The following TPRN variants were observed in gnomAD, a reference collection of about 807,000 sequenced individuals.
TPRN encodes chromosome 9 open reading frame 75.
Under a neutral mutation model 42.6 loss-of-function variants are expected in TPRN, and 32 were observed. The observed-to-expected ratio is 0.75, with a 90% CI of 0.57 to 1.01. The LOEUF is 1.01. Among genes scored for constraint, TPRN ranks in the 50% least tolerant of loss-of-function variants. The pLI, the probability that TPRN is intolerant of heterozygous loss-of-function variation, is 0.00. For synonymous variants in TPRN, 541 were observed against 445.6 expected (o/e 1.21, Z -2.70); for missense variants, 1,095 against 957.5 (o/e 1.14, Z -1.90).
rs1234034573 is a variant in TPRN, at chr9:137,200,411, C to T, written c.301G>A (p.Glu101Lys). Reference protein sequence around the residue: ...ALRADSVLIIETVPGFPPAPP... With the variant: ...ALRADSVLIIKTVPGFPPAPP... Reference sequence around the variant, plus strand: ...GCGGGCGGGAAGCCGGGCACCGTCTCGATGATGAGGACGCTGTCGGCGCGG... The same window carrying T: ...GCGGGCGGGAAGCCGGGCACCGTCTTGATGATGAGGACGCTGTCGGCGCGG... Residue 101 changes from glutamate (E) to lysine (K), a missense_variant, in exon 1 of 4, where the codon GAG becomes AAG. Glu to Lys is a moderately conservative substitution (Grantham distance 56). Transcript: ENST00000409012. The surrounding 1 kb of genome is among the most constrained non-coding windows in gnomAD (Gnocchi z 4.3). 1.8e-6 allele frequency: 2 copies of T among 1,121,828 alleles called. No individual in the cohort carries two copies. The highest frequency in any genetic ancestry group is 1.7e-5 in the African/African-American group (1 of 58,938). The allele number at this position is 1,121,828 out of a possible 1,614,324, so 69.5% of individuals were successfully genotyped here.
Position 137,200,238 on chromosome 9 carries a change from C to CGGG in TPRN, c.471_473dup (p.Pro164dup), listed in dbSNP as rs989277785. The CGGG allele has an allele frequency of 1.9e-5, 18 of 945,220 alleles. No individual in the cohort carries two copies. The African/African-American group carries it at 3.2e-4, about 17-fold the overall frequency. The allele number at this position is 945,220 out of a possible 1,614,324, so 58.6% of individuals were successfully genotyped here. A position where few individuals can be genotyped will look rare whatever the true frequency, so the allele number is the denominator to read the frequency against. On this transcript the variant is annotated inframe_insertion, in exon 1 of 4. Coordinates refer to ENST00000409012, the MANE Select transcript of TPRN (RefSeq NM_001128228.3). This position sits in a 1 kb window ranked among gnomAD's most constrained non-coding sequence, Gnocchi z 4.3. ...GCGGCGCGGGCGGCGGCGGCGGCGG[C>CGGG]GGGGGGCGGGCGCGCTCGGGGCTCC...
rs758513567 is a variant in TPRN at position 137,192,292 on chromosome 9, C to T, written c.2040G>A (p.Pro680=). 20 of 1,612,906 alleles carry T rather than the reference C, an allele frequency of 1.2e-5. No homozygotes were observed. The highest frequency in any genetic ancestry group is 5.5e-5 in the South Asian group (5 of 91,086). ...KWQEQALEQA[P]REAEPPPVEA... ...CCACGGGCGGGGGCTCTGCCTCCCT[C>T]GGGGCCTGCTCCAGCGCCTGCTCCT... Residue 680 remains proline (P), a synonymous_variant, in exon 3 of 4, where the codon CCG becomes CCA. Transcript: ENST00000409012.
At position 137,192,173 on chromosome 9, in the gene TPRN, A is replaced by G; in HGVS notation, c.2075T>C (p.Leu692Pro). ...GAGGTCATTCTGACTGGCGGGTGTG[A>G]GCTGAAAGTGAGAGGACAGAATGTG... ...EAEPPPVEAM[L>P]TPASQNDLSD... The change falls in exon 4 of 4, where the codon CTC (leucine) becomes CCC (proline). Residue 692 changes from leucine (L) to proline (P), a missense_variant and splice_region_variant. Leu to Pro is a moderately conservative substitution (Grantham distance 98). Coordinates refer to ENST00000409012, the MANE Select transcript of TPRN (RefSeq NM_001128228.3). 1 of 1,613,454 alleles carries G rather than the reference A, an allele frequency of 6.2e-7. No individual in the cohort carries two copies. The highest frequency in any genetic ancestry group is 8.5e-7 in the Non-Finnish European group (1 of 1,179,980).
rs955018102 is a variant in TPRN, at chr9:137,200,538, C to T, written c.174G>A (p.Glu58=). Residue 58 remains glutamate (E), a synonymous_variant, in exon 1 of 4, where the codon GAG becomes GAA. Transcript: ENST00000409012. This position sits in a 1 kb window ranked among gnomAD's most constrained non-coding sequence, Gnocchi z 4.3. ...VLAESLGPLR[E]NPFMLLEAER... ...CGGCCTCCAGCAGCATGAACGGGTT[C>T]TCGCGCAGCGGGCCCAGGCTCTCGG... The T allele has an allele frequency of 2.3e-5, 27 of 1,167,828 alleles. No homozygotes were observed. Among genetic ancestry groups the T allele is most frequent in the Non-Finnish European group, 2.7e-5 (26 of 947,146 alleles). The allele number at this position is 1,167,828 out of a possible 1,614,324, so 72.3% of individuals were successfully genotyped here.
rs901697585 is a variant in TPRN, at chr9:137,196,122, G to A, written c.1725+2865C>T. 5.4e-4 allele frequency among the ~76,000 whole-genome samples: 82 copies of A among 152,190 alleles called. 1 individual carries two copies. The highest frequency in any genetic ancestry group is 1.9e-3 in the African/African-American group (80 of 41,446). On this transcript the variant is annotated intron_variant, in intron 1 of 3. Coordinates refer to ENST00000409012, the MANE Select transcript of TPRN (RefSeq NM_001128228.3). ...GCCCCTCACCGACTCCCACCACCCA[G>A]ACAACTCCACTGAAGAGCTGCCCTT...
chr9:137,197,816 G>A lies in TPRN; in HGVS notation c.1725+1171C>T, dbSNP rs9696568. On this transcript the variant is annotated intron_variant, in intron 1 of 3. Coordinates refer to ENST00000409012, the MANE Select transcript of TPRN (RefSeq NM_001128228.3). ...GACCCACGTGGCTCCAGGAGTGGGA[G>A]GGGCCCTGGACCCAGCCCCAAGCCC... is the stretch of plus-strand genomic sequence containing the variant. Among the ~76,000 whole-genome samples, 8 of 152,338 alleles carry A rather than the reference G, an allele frequency of 5.3e-5. No homozygotes were observed. In the South Asian group the frequency reaches 1.7e-3, roughly 32 times the overall value.
rs933922346 is a variant in TPRN, at chr9:137,200,287, G to C, written c.425C>G (p.Pro142Arg). The C allele has an allele frequency of 2.0e-6, 2 of 987,218 alleles. No individual in the cohort carries two copies. Among genetic ancestry groups the C allele is most frequent in the Admixed American group, 6.3e-5 (1 of 15,956 alleles). The allele number at this position is 987,218 out of a possible 1,614,324, so 61.2% of individuals were successfully genotyped here. The part of the protein sequence containing the change: ...RVSRLLERFD[P>R]PAAPRRRGSP... ...CCCGCGGCGGCGCGGCGCGGCGGGC[G>C]GGTCGAACCTCTCCAGTAGGCGGCT... Residue 142 changes from proline to arginine, a missense_variant, in exon 1 of 4, where the codon CCG (proline) becomes CGG (arginine). Physicochemically the swap from Pro to Arg is moderately radical, Grantham distance 103. Coordinates refer to ENST00000409012, the MANE Select transcript of TPRN (RefSeq NM_001128228.3). The surrounding 1 kb of genome is among the most constrained non-coding windows in gnomAD (Gnocchi z 4.3).
intron 1 of TPRN, among the ~76,000 whole-genome samples, chr9:137,198,306 G>T (rs1834737191): frequency 6.6e-6 from 1 of 152,218 alleles, no homozygotes; most frequent in Non-Finnish European, 1.5e-5. Flanking sequence ...GTGCCCAGAG[G>T]ATTCCAGGCC....
rs1272885722 is a variant in TPRN at position 137,192,606 on chromosome 9, T to C, written c.1811A>G (p.Asp604Gly). The change falls in exon 2 of 4, where the codon GAC becomes GGC. Residue 604 changes from aspartate to glycine, a missense_variant. Transcript: ENST00000409012. ...CTCCTCCTCCTCCTCCTCCTGCTGG[T>C]CCACCTCTTCCTCCTGCTCTAGGGA... ...ESSLEQEEEV[D>G]QQEEEEEEEE... 1.9e-6 allele frequency: 3 copies of C among 1,613,696 alleles called. No individual in the cohort carries two copies. The highest frequency in any genetic ancestry group is 2.2e-5 in the South Asian group (2 of 91,076).
Position 137,199,787 on chromosome 9 carries a change from T to C in TPRN, c.925A>G (p.Thr309Ala), listed in dbSNP as rs1834772413. The C allele has an allele frequency of 8.7e-6, 14 of 1,607,670 alleles. No homozygotes were observed. Among genetic ancestry groups the C allele is most frequent in the Non-Finnish European group, 1.2e-5 (14 of 1,177,808 alleles). The part of the protein sequence containing the change: ...IRPAPKPVME[T>A]IPLGDLQARA... ...GCCTGGAGGTCCCCCAAGGGGATGG[T>C]CTCCATAACTGGCTTGGGGGCCGGC... Residue 309 changes from threonine (T) to alanine (A), a missense_variant, in exon 1 of 4, where the codon ACC becomes GCC. Thr to Ala is a moderately conservative substitution (Grantham distance 58, BLOSUM62 0). Coordinates refer to ENST00000409012, the MANE Select transcript of TPRN (RefSeq NM_001128228.3).
At chr9:137,194,043 C>T (rs1392636039) in intron 1 of TPRN, 1 of 152,372 alleles carries the variant, frequency 6.6e-6, no homozygotes, top group Non-Finnish European at 1.5e-5. Flanking sequence ...CTTCCCCTCT[C>T]AGCACAGCTC....
chr9:137,196,380 A>C (rs73563689), intron 1 of TPRN, among the ~76,000 whole-genome samples: 1,858 of 152,292 alleles, frequency 0.012, 36 homozygotes, highest in African/African-American at 0.037. Flanking sequence ...TGAGGTCAGG[A>C]GTTCGAGACC....
At chr9:137,198,561 G>A (rs567179244) in intron 1 of TPRN, among the ~76,000 whole-genome samples, 6 of 152,372 alleles carry the variant, frequency 3.9e-5, no homozygotes, top group South Asian at 2.1e-4. Context: ...ATAGCGTGGC[G>A]CCTGGCGCCC....
rs769203462 is a variant in TPRN, at chr9:137,199,285, G to A, written c.1427C>T (p.Pro476Leu). The A allele has an allele frequency of 7.4e-6, 12 of 1,612,408 alleles. No individual in the cohort carries two copies. The highest frequency in any genetic ancestry group is 2.7e-5 in the African/African-American group (2 of 75,036). Residue 476 changes from proline (P) to leucine (L), a missense_variant, in exon 1 of 4, where the codon CCG (proline) becomes CTG (leucine). Transcript: ENST00000409012. ...AGGGTGCAGAGGCCTGGCAGGGTGC[G>A]GGAGGTAGGGTAGTTTGGCTGCTTG... ...APQAAKLPYL[P>L]HPARPLHPAR... is the part of the protein sequence containing the mutation.
At chr9:137,192,753 G>A in intron 1 of TPRN, 62 bp from the exon 2 acceptor site, 4 of 1,581,266 alleles carry the variant, frequency 2.5e-6, no homozygotes, top group South Asian at 1.1e-5. Context: ...GATGCCAGGG[G>A]CTCAGGTTCA....
rs984665694 is a variant in TPRN, at chr9:137,191,999, G to A, written c.*113C>T. 29 of 1,331,492 alleles carry A rather than the reference G, an allele frequency of 2.2e-5. No individual in the cohort carries two copies. The highest frequency in any genetic ancestry group is 2.7e-5 in the Non-Finnish European group (26 of 955,662). The allele number at this position is 1,331,492 out of a possible 1,614,324, so 82.5% of individuals were successfully genotyped here. A position where few individuals can be genotyped will look rare whatever the true frequency, so the allele number is the denominator to read the frequency against. Reference sequence around the variant, plus strand: ...CTGCTTCCAGGGCCAGGAGGGGTGGGTGGGATACAGTGAGGCCAAACAAGG... The same window carrying A: ...CTGCTTCCAGGGCCAGGAGGGGTGGATGGGATACAGTGAGGCCAAACAAGG... On this transcript the variant is annotated 3_prime_UTR_variant, in exon 4 of 4. Coordinates refer to ENST00000409012, the MANE Select transcript of TPRN (RefSeq NM_001128228.3).
intron 1 of TPRN, among the ~76,000 whole-genome samples, chr9:137,196,271 G>T (rs373802022): frequency 5.3e-5 from 8 of 152,202 alleles, no homozygotes; most frequent in Admixed American, 6.5e-5. Context: ...CCCCACGCCC[G>T]GGGGTCACAG....
intron 1 of TPRN, among the ~76,000 whole-genome samples, chr9:137,197,930 G>T (rs946346992): frequency 6.6e-6 from 1 of 152,210 alleles, no homozygotes; most frequent in Non-Finnish European, 1.5e-5. Flanking sequence ...TTCCAGGAGG[G>T]GAGTATGGCA....
chr9:137,195,363 G>A (rs1834690717), intron 1 of TPRN, among the ~76,000 whole-genome samples: 1 of 152,256 alleles, frequency 6.6e-6, no homozygotes, highest in African/African-American at 2.4e-5. Context: ...CCCGGCTTCA[G>A]AAGGACCACC....
Sources: allele counts gnomAD v4.1 joint callset (sites outside exome capture counted in the v4.1 genomes callset), GRCh38; gene constraint gnomAD v4.1.1; non-coding constraint Gnocchi (gnomAD v3.1); transcripts MANE v1.5; gene names NCBI Gene and HGNC (gene_info 2026-07-23, HGNC 2026-07-21).